Variants in PIP5K1B observed in about 807,000 individuals in gnomAD.
PIP5K1B encodes phosphatidylinositol-4-phosphate 5-kinase type 1 beta, also known as phosphatidylinositol 4-phosphate 5-kinase type-1 beta.
Under a neutral mutation model 67.0 loss-of-function variants are expected in PIP5K1B, and 42 were observed. That is an observed-to-expected ratio of 0.63 (90% CI 0.49 to 0.81). PIP5K1B has a LOEUF of 0.81. Among genes scored for constraint, PIP5K1B ranks in the 30% least tolerant of loss-of-function variants. The pLI, the probability that PIP5K1B is intolerant of heterozygous loss-of-function variation, is 0.00. For synonymous variants in PIP5K1B, 214 were observed against 231.4 expected, an observed-to-expected ratio of 0.92 and a Z score of 0.68; for missense variants, 459 against 646.3, an observed-to-expected ratio of 0.71 and a Z score of 3.14.
chr9:68,891,519 CAT>C (rs1824786697), intron 7 of PIP5K1B, among the ~76,000 whole-genome samples: 1 of 151,440 alleles, frequency 6.6e-6, no homozygotes, highest in African/African-American at 2.4e-5. Flanking sequence ...CAAAAGTTCA[CAT>C]GATAGCTCAT....
At chr9:68,787,822 G>A (rs910987428) in intron 2 of PIP5K1B, among the ~76,000 whole-genome samples, 1 of 151,830 alleles carries the variant, frequency 6.6e-6, no homozygotes, top group Admixed American at 6.6e-5. Flanking sequence ...TAGTAGAGAC[G>A]GGGTTTCACC....
rs747121050 is a variant in PIP5K1B at position 68,919,567 on chromosome 9, G to A, written c.1067+5G>A. ...TGACATTCTGCAATCATATAGGTAA[G>A]AAGTTTGAGGAGTGGTCTTTTATTA... On this transcript the variant is annotated splice_donor_5th_base_variant and intron_variant, in intron 10 of 15. Transcript: ENST00000265382. The A allele has an allele frequency of 1.2e-5, 18 of 1,522,334 alleles. No homozygotes were observed. The highest frequency in any genetic ancestry group is 1.4e-5 in the Non-Finnish European group (15 of 1,103,896). The allele number at this position is 1,522,334 out of a possible 1,614,324, so 94.3% of individuals were successfully genotyped here.
At chr9:68,810,936 G>A (rs1162050820) in intron 2 of PIP5K1B, among the ~76,000 whole-genome samples, 1 of 152,190 alleles carries the variant, frequency 6.6e-6, no homozygotes, top group Non-Finnish European at 1.5e-5. Flanking sequence ...GAGAAAACAA[G>A]TAAAAGAGAG....
chr9:68,914,348 C>G (rs1439561577), intron 8 of PIP5K1B, among the ~76,000 whole-genome samples: 1 of 152,148 alleles, frequency 6.6e-6, no homozygotes. Flanking sequence ...TTCTTAGGAC[C>G]TGCTTTTGAA....
chr9:68,893,754 A>G (rs1824935404), intron 7 of PIP5K1B, among the ~76,000 whole-genome samples: 1 of 152,254 alleles, frequency 6.6e-6, no homozygotes, highest in South Asian at 2.1e-4. Context: ...ACCTGCAGAA[A>G]AAAATGAGCA....
At chr9:68,841,181 G>A (rs1487827133) in intron 4 of PIP5K1B, among the ~76,000 whole-genome samples, 2 of 152,180 alleles carry the variant, frequency 1.3e-5, no homozygotes, top group African/African-American at 4.8e-5. Flanking sequence ...ATCACTTTCT[G>A]GGACATAAAC....
At chr9:68,956,347 G>C (rs1828390930) in intron 14 of PIP5K1B, among the ~76,000 whole-genome samples, 1 of 152,206 alleles carries the variant, frequency 6.6e-6, no homozygotes, top group Non-Finnish European at 1.5e-5. Context: ...GCAAGTGCCT[G>C]TATTCCCAGC....
intron 2 of PIP5K1B, among the ~76,000 whole-genome samples, chr9:68,745,652 C>T (rs2132331038): frequency 6.6e-6 from 1 of 152,306 alleles, no homozygotes; most frequent in South Asian, 2.1e-4. Context: ...CTGTGCTCCA[C>T]CTGAATCTTC....
At chr9:68,731,198 T>C (rs756118298) in intron 1 of PIP5K1B, among the ~76,000 whole-genome samples, 2 of 152,252 alleles carry the variant, frequency 1.3e-5, no homozygotes, top group Non-Finnish European at 2.9e-5. Context: ...TTGCCATGTT[T>C]CAATTTAACA....
chr9:68,778,537 T>C (rs1238273218), intron 2 of PIP5K1B, among the ~76,000 whole-genome samples: 1 of 152,182 alleles, frequency 6.6e-6, no homozygotes, highest in African/African-American at 2.4e-5. Context: ...TTGTTCTAAC[T>C]CAACACATAT....
intron 2 of PIP5K1B, among the ~76,000 whole-genome samples, chr9:68,761,421 G>A (rs1830179342): frequency 6.6e-6 from 1 of 152,044 alleles, no homozygotes; most frequent in African/African-American, 2.4e-5. Flanking sequence ...CTTCTCTGAG[G>A]TGAAATTTCC....
At chr9:68,876,884 C>A in intron 6 of PIP5K1B, 90 bp downstream of exon 6, 1 of 741,954 alleles carries the variant, frequency 1.3e-6, no homozygotes, top group Non-Finnish European at 2.4e-6. Context: ...TTGTGTCTCT[C>A]ATTTTATAAA....
At chr9:69,005,633 C>T (rs1831042256) in intron 15 of PIP5K1B, among the ~76,000 whole-genome samples, 1 of 152,102 alleles carries the variant, frequency 6.6e-6, no homozygotes, top group Non-Finnish European at 1.5e-5. Flanking sequence ...CCTGCCTCGG[C>T]CTCCCAAAGT....
intron 14 of PIP5K1B, among the ~76,000 whole-genome samples, chr9:68,981,951 A>G (rs1829899522): frequency 6.6e-6 from 1 of 152,216 alleles, no homozygotes. Flanking sequence ...CAGAGCACAG[A>G]GCCCGGGAAG....
At chr9:68,992,544 G>C (rs903760109) in intron 15 of PIP5K1B, among the ~76,000 whole-genome samples, 3 of 152,094 alleles carry the variant, frequency 2.0e-5, no homozygotes, top group Non-Finnish European at 4.4e-5. Context: ...TACTGGAGTA[G>C]TATCCAAAGT....
chr9:68,811,426 A>T (rs1833157914), intron 2 of PIP5K1B, among the ~76,000 whole-genome samples: 1 of 152,134 alleles, frequency 6.6e-6, no homozygotes, highest in Admixed American at 6.5e-5. Flanking sequence ...TGGGAGCCAT[A>T]GACAGGGATT....
chr9:68,864,093 A>C, intron 5 of PIP5K1B, 126 bp downstream of exon 5: 7 of 791,634 alleles, frequency 8.8e-6, no homozygotes, highest in South Asian at 2.0e-5. Context: ...GGCCTTTGGC[A>C]GGGCCAAAGG....
At chr9:68,860,482 T>G (rs1444005336) in intron 4 of PIP5K1B, among the ~76,000 whole-genome samples, 2 of 152,214 alleles carry the variant, frequency 1.3e-5, no homozygotes, top group Non-Finnish European at 2.9e-5. Context: ...TACCCGTGGG[T>G]GGGTATGATT....
chr9:68,960,813 A>C (rs1296277448), intron 14 of PIP5K1B, among the ~76,000 whole-genome samples: 1 of 152,110 alleles, frequency 6.6e-6, no homozygotes, highest in African/African-American at 2.4e-5. Flanking sequence ...TCCCTGCATA[A>C]TCTTAGGTTA....
Sources: allele counts gnomAD v4.1 joint callset (sites outside exome capture counted in the v4.1 genomes callset), GRCh38; gene constraint gnomAD v4.1.1; transcripts MANE v1.5; gene names NCBI Gene and HGNC (gene_info 2026-07-23, HGNC 2026-07-21).